The following NLRC5 variants were observed in gnomAD, a reference collection of about 807,000 sequenced individuals.
NLRC5 encodes the protein NLR family CARD domain containing 5.
Under a neutral mutation model 206.9 loss-of-function variants are expected in NLRC5, and 114 were observed. The observed-to-expected ratio is 0.55, with a 90% confidence interval of 0.47 to 0.64. NLRC5 has a LOEUF of 0.64. Among genes scored for constraint, NLRC5 ranks in the 30% least tolerant of loss-of-function variants. The pLI is 0.00. For missense variants in NLRC5, 2,008 were observed against 2,305.5 expected, an observed-to-expected ratio of 0.87 and a Z score of 2.64; for synonymous variants, 952 against 962.8, an observed-to-expected ratio of 0.99 and a Z score of 0.21.
chr16:57,065,387 A>C, intron 33 of NLRC5, 89 bp downstream of exon 33: 1 of 871,468 alleles, frequency 1.1e-6, no homozygotes, highest in Non-Finnish European at 1.6e-6. Flanking sequence ...CTGTGGGGTA[A>C]TAGCTGTGTC....
intron 6 of NLRC5, among the ~76,000 whole-genome samples, chr16:57,027,380 C>T (rs771334311): frequency 1.3e-5 from 2 of 152,194 alleles, no homozygotes; most frequent in Non-Finnish European, 2.9e-5. Context: ...ATAGCCAACT[C>T]ATATGGTCAT....
At chr16:57,078,567 G>A (rs2068738150) in intron 43 of NLRC5, among the ~76,000 whole-genome samples, 2 of 150,532 alleles carry the variant, frequency 1.3e-5, no homozygotes, top group African/African-American at 2.5e-5. Flanking sequence ...CACCTCCCGG[G>A]TTCAAGCAAT....
chr16:57,058,598 T>C (rs2065996340), intron 28 of NLRC5: 3 of 328,314 alleles, frequency 9.1e-6, no homozygotes, highest in Non-Finnish European at 1.7e-5. Flanking sequence ...GCCCCATCTC[T>C]CCCGTGACCT....
intron 19 of NLRC5, 89 bp downstream of exon 19, chr16:57,042,154 A>C: frequency 2.4e-6 from 2 of 848,310 alleles, no homozygotes; most frequent in Non-Finnish European, 3.4e-6. Flanking sequence ...GGTTATTGTA[A>C]AGATTAAATC....
chr16:56,992,465 A>T (rs1207418976), intron 1 of NLRC5: 2 of 149,984 alleles, frequency 1.3e-5, no homozygotes, highest in Non-Finnish European at 3.0e-5. Context: ...TTATTTATTT[A>T]TTTATTTTAT....
At chr16:57,031,493 G>A (rs1291360542) in intron 11 of NLRC5, 30 bp downstream of exon 11, 1 of 1,612,244 alleles carries the variant, frequency 6.2e-7, no homozygotes, top group Non-Finnish European at 8.5e-7. Context: ...TGGGCCTGGG[G>A]CCATCCTTAG....
intron 3 of NLRC5, 97 bp from the exon 4 acceptor site, chr16:57,022,159 C>A: frequency 1.1e-6 from 1 of 927,856 alleles, no homozygotes. Context: ...TGGGTATCTC[C>A]CTGTGAGATG....
At chr16:57,055,282 G>A (rs2065472870) in intron 26 of NLRC5, 151 bp from the exon 27 acceptor site, 1 of 867,844 alleles carries the variant, frequency 1.2e-6, no homozygotes, top group Non-Finnish European at 1.9e-6. Context: ...TGTGGGGGTG[G>A]GAGCAGTGGA....
Position 57,047,598 on chromosome 16 carries a change from T to C in NLRC5, c.3392T>C (p.Leu1131Pro). ...AGCCTCACCCGCCTCTGTGCCACTC[T>C]GAAGGACTGCCCGGGACCCCTGGAA... ...PPSLTRLCAT[L>P]KDCPGPLELQ... The change falls in exon 23 of 49, where the codon CTG (leucine) becomes CCG (proline). Residue 1131 changes from leucine to proline, a missense_variant. Physicochemically the swap from Leu to Pro is moderately conservative, Grantham distance 98. Coordinates refer to ENST00000688547, the MANE Select transcript of NLRC5 (RefSeq NM_001384950.1). 1 of 1,613,582 alleles carries C rather than the reference T, an allele frequency of 6.2e-7. No homozygotes were observed. The highest frequency in any genetic ancestry group is 8.5e-7 in the Non-Finnish European group (1 of 1,179,778).
In NLRC5 at chr16:57,082,677, A is replaced by G. The variant is rs2069294989; in HGVS notation, c.*149A>G. The G allele has an allele frequency of 1.7e-6, 1 of 601,492 alleles. No homozygotes were observed. Among genetic ancestry groups the G allele is most frequent in the Non-Finnish European group, 2.9e-6 (1 of 345,570 alleles). 37.3% of individuals were successfully genotyped at this position (601,492 alleles called of 1,614,324 possible). A position where few individuals can be genotyped will look rare whatever the true frequency, so the allele number is the denominator to read the frequency against. ...AGGAAGGATACGTGTGTCCTGCTGC[A>G]GTCCTCAGGGAGAACTTTTTTGGGA... is the stretch of plus-strand genomic sequence containing the variant. On this transcript the variant is annotated 3_prime_UTR_variant, in exon 49 of 49. Coordinates refer to ENST00000688547, the MANE Select transcript of NLRC5 (RefSeq NM_001384950.1).
chr16:57,081,004 C>A (rs578137172), intron 46 of NLRC5, 94 bp from the exon 47 acceptor site: 2 of 1,151,562 alleles, frequency 1.7e-6, no homozygotes, highest in Non-Finnish European at 2.5e-6. Flanking sequence ...CTTGCCCCCA[C>A]GACTGGCACC....
intron 46 of NLRC5, among the ~76,000 whole-genome samples, chr16:57,079,933 T>C (rs1400275150): frequency 2.0e-5 from 3 of 152,216 alleles, no homozygotes; most frequent in African/African-American, 7.2e-5. Context: ...ACCTTCCTTT[T>C]GGGAGGCAAC....
At chr16:57,010,361 A>G (rs2059360886) in intron 1 of NLRC5, among the ~76,000 whole-genome samples, 1 of 152,118 alleles carries the variant, frequency 6.6e-6, no homozygotes, top group African/African-American at 2.4e-5. Context: ...TTCTCAGTAG[A>G]TATGAATAAC....
Position 57,077,288 on chromosome 16 carries a change from C to A in NLRC5, c.4836-8C>A, listed in dbSNP as rs376802882. 4.8e-5 allele frequency: 78 copies of A among 1,613,340 alleles called. No homozygotes were observed. The highest frequency in any genetic ancestry group is 6.1e-5 in the Non-Finnish European group (72 of 1,179,478). On this transcript the variant is annotated splice_region_variant and splice_polypyrimidine_tract_variant and intron_variant, in intron 40 of 48. Transcript: ENST00000688547. ...CAGAAGGCTGATGAAGCTGTTTTCT[C>A]CCCCAAGCTTGAGCCACAACCAGAT...
chr16:57,081,499 T>A (rs779686255), intron 47 of NLRC5, 28 bp from the exon 48 acceptor site: 14 of 1,606,966 alleles, frequency 8.7e-6, no homozygotes, highest in Non-Finnish European at 1.2e-5. Flanking sequence ...TGTTTCTCTT[T>A]CCCCTCCCCT....
chr16:57,027,552 T>C lies in NLRC5; in HGVS notation c.2076-520T>C, dbSNP rs1311358532. ...TAGGTTAAATAATGTAGAATTTTAT[T>C]TCTCTCTCATGGAAGAGTCAGAGGT... On this transcript the variant is annotated intron_variant, in intron 6 of 48. Coordinates refer to ENST00000688547, the MANE Select transcript of NLRC5 (RefSeq NM_001384950.1). 2.0e-5 allele frequency among the ~76,000 whole-genome samples: 3 copies of C among 152,214 alleles called. No homozygotes were observed. The East Asian group carries it at 5.8e-4, about 29-fold the overall frequency.
chr16:57,014,351 A>G (rs1448221979), intron 1 of NLRC5, among the ~76,000 whole-genome samples: 1 of 152,208 alleles, frequency 6.6e-6, no homozygotes, highest in Non-Finnish European at 1.5e-5. Flanking sequence ...CAAGAATCTT[A>G]AAGTTTGAAT....
rs2063172409 is a variant in NLRC5 at position 57,040,726 on chromosome 16, G to A, written c.2939+8G>A. 1 of 1,613,602 alleles carries A rather than the reference G, an allele frequency of 6.2e-7. No homozygotes were observed. The highest frequency in any genetic ancestry group is 2.2e-5 in the East Asian group (1 of 44,876). ...GAGCTCCCGAAGGATGAGGTACAGTGATGGCCTCCAGCCCTGTGTGTGATT... is the reference window on the plus strand; with the variant it reads ...GAGCTCCCGAAGGATGAGGTACAGTAATGGCCTCCAGCCCTGTGTGTGATT... On this transcript the variant is annotated splice_region_variant and intron_variant, in intron 17 of 48. Coordinates refer to ENST00000688547, the MANE Select transcript of NLRC5 (RefSeq NM_001384950.1).
chr16:57,021,042 G>C, intron 3 of NLRC5, 35 bp downstream of exon 3: 1 of 1,597,822 alleles, frequency 6.3e-7, no homozygotes, highest in Non-Finnish European at 8.6e-7. Context: ...AAGCAGCCGG[G>C]CCAGTACCTG....
Sources: gnomAD v4.1 joint callset for allele counts (sites outside exome capture counted in the v4.1 genomes callset) on GRCh38, gnomAD v4.1.1 for gene constraint, MANE v1.5 for transcripts, NCBI Gene and HGNC (gene_info 2026-07-23, HGNC 2026-07-21) for gene names.